The following GALNT1 variants were observed in gnomAD, a reference collection of about 807,000 sequenced individuals.
GALNT1 encodes the protein polypeptide N-acetylgalactosaminyltransferase 1.
Under a neutral mutation model 65.7 loss-of-function variants are expected in GALNT1, and 17 were observed. The ratio of observed to expected loss-of-function variants is 0.26; its 90% CI spans 0.18 to 0.39. GALNT1 has a LOEUF of 0.39. GALNT1 is among the 10% of genes least tolerant of loss of function. The pLI is 1.00. For synonymous variants in GALNT1, 210 were observed against 219.7 expected, an observed-to-expected ratio of 0.96 and a Z score of 0.39; for missense variants, 460 against 672.8, an observed-to-expected ratio of 0.68 and a Z score of 3.50.
At chr18:35,681,835 TG>T (rs2047791408) in intron 4 of GALNT1, among the ~76,000 whole-genome samples, 1 of 152,172 alleles carries the variant, frequency 6.6e-6, no homozygotes, top group Non-Finnish European at 1.5e-5. Context: ...CAGGCAGACC[TG>T]GGTTTGAATC....
intron 1 of GALNT1, among the ~76,000 whole-genome samples, chr18:35,621,601 A>T (rs1014228966): frequency 3.3e-5 from 5 of 152,072 alleles, no homozygotes; most frequent in Admixed American, 3.3e-4. Context: ...ATATCTTATG[A>T]TGTCTTTGGT....
intron 3 of GALNT1, among the ~76,000 whole-genome samples, chr18:35,671,913 A>G (rs979264353): frequency 2.6e-5 from 4 of 152,154 alleles, no homozygotes; most frequent in African/African-American, 7.2e-5. Flanking sequence ...CTGCTTCACT[A>G]TTTCCTCCAA....
rs867040527 is a variant in GALNT1 at position 35,677,599 on chromosome 18, C to A, written c.323C>A (p.Thr108Lys). Residue 108 changes from threonine to lysine, a missense_variant, in exon 4 of 12, where the codon ACA becomes AAA. Transcript: ENST00000269195. ...LPDVRLEGCK[T>K]KVYPDNLPTT... is the part of the protein sequence containing the mutation. ...ATTTGCTTTGTCTCTAGGTGTAAAACAAAGGTGTATCCAGATAATCTTCCT... is the reference window on the plus strand; with the variant it reads ...ATTTGCTTTGTCTCTAGGTGTAAAAAAAAGGTGTATCCAGATAATCTTCCT... 1 of 1,608,606 alleles carries A rather than the reference C, an allele frequency of 6.2e-7. No homozygotes were observed. Among genetic ancestry groups the A allele is most frequent in the Non-Finnish European group, 8.5e-7 (1 of 1,177,208 alleles).
At chr18:35,663,510 G>A in intron 2 of GALNT1, 118 bp from the exon 3 acceptor site, 2 of 1,010,032 alleles carry the variant, frequency 2.0e-6, no homozygotes. Context: ...GAGAGGGTGG[G>A]CTCAGAAAGG....
intron 1 of GALNT1, among the ~76,000 whole-genome samples, chr18:35,635,936 A>T (rs1023971888): frequency 1.3e-5 from 2 of 152,160 alleles, no homozygotes; most frequent in Admixed American, 1.3e-4. Flanking sequence ...TTATAACACA[A>T]TGGGATCCTT....
chr18:35,692,558 C>T (rs922130316), intron 9 of GALNT1, among the ~76,000 whole-genome samples: 1 of 151,748 alleles, frequency 6.6e-6, no homozygotes, highest in Non-Finnish European at 1.5e-5. Context: ...AAGCTGTGTA[C>T]TGTGGGGTCT....
chr18:35,628,677 A>AG (rs1242996099), intron 1 of GALNT1, among the ~76,000 whole-genome samples: 48 of 152,256 alleles, frequency 3.2e-4, no homozygotes, highest in African/African-American at 1.1e-3. Context: ...CCTCCAAGGG[A>AG]ACACAGCTCC....
chr18:35,690,154 C>T (rs1481548867), intron 7 of GALNT1, among the ~76,000 whole-genome samples: 1 of 152,140 alleles, frequency 6.6e-6, no homozygotes, highest in Non-Finnish European at 1.5e-5. Flanking sequence ...TTGAAAGAAA[C>T]AGAAGGATTT....
intron 3 of GALNT1, among the ~76,000 whole-genome samples, chr18:35,675,799 A>G (rs1381634419): frequency 6.6e-6 from 1 of 152,306 alleles, no homozygotes. Context: ...AAGAGATTGT[A>G]TGTGTGGCAT....
intron 1 of GALNT1, among the ~76,000 whole-genome samples, chr18:35,634,492 G>A (rs550214171): frequency 6.6e-6 from 1 of 152,266 alleles, no homozygotes; most frequent in East Asian, 1.9e-4. Context: ...AGGTGCACGG[G>A]GTGAAGTTCA....
At chr18:35,640,039 C>G (rs113174353) in intron 1 of GALNT1, among the ~76,000 whole-genome samples, 2,084 of 152,244 alleles carry the variant, frequency 0.014, 42 homozygotes, top group African/African-American at 0.046. Flanking sequence ...CTCAGGTGAT[C>G]CCCCCACCTT....
At chr18:35,606,844 T>A (rs895233595) in intron 1 of GALNT1, among the ~76,000 whole-genome samples, 1 of 121,218 alleles carries the variant, frequency 8.2e-6, no homozygotes, top group East Asian at 2.1e-4. Flanking sequence ...TGTGTGTGTG[T>A]GTGTGTGTGT....
chr18:35,612,483 T>C (rs2046729691), intron 1 of GALNT1, among the ~76,000 whole-genome samples: 1 of 152,246 alleles, frequency 6.6e-6, no homozygotes, highest in Non-Finnish European at 1.5e-5. Context: ...TTTAATTTTT[T>C]TGAACAAATA....
chr18:35,698,340 G>A (rs1030174874), intron 9 of GALNT1, among the ~76,000 whole-genome samples: 4 of 152,012 alleles, frequency 2.6e-5, no homozygotes, highest in East Asian at 3.9e-4. Context: ...GTGGTGGCCC[G>A]CATCTGTAGT....
At chr18:35,699,658 C>T (rs1240933996) in intron 9 of GALNT1, among the ~76,000 whole-genome samples, 1 of 152,196 alleles carries the variant, frequency 6.6e-6, no homozygotes, top group Non-Finnish European at 1.5e-5. Flanking sequence ...AAGGTTCTCA[C>T]TCTTTTTAGA....
At chr18:35,692,386 T>C (rs1351890723) in intron 9 of GALNT1, 66 bp downstream of exon 9, 5 of 1,025,174 alleles carry the variant, frequency 4.9e-6, no homozygotes, top group African/African-American at 3.4e-5. Flanking sequence ...TAAAAAAAAA[T>C]AGGAGTTAGT....
chr18:35,633,040 A>G (rs546301131), intron 1 of GALNT1, among the ~76,000 whole-genome samples: 15 of 152,310 alleles, frequency 9.8e-5, no homozygotes, highest in African/African-American at 3.1e-4. Context: ...AAAGTCAGGA[A>G]ACAACACGTG....
At chr18:35,606,905 C>A (rs899933462) in intron 1 of GALNT1, among the ~76,000 whole-genome samples, 32 of 149,778 alleles carry the variant, frequency 2.1e-4, no homozygotes, top group Admixed American at 2.1e-3. Context: ...TGTGACCATC[C>A]ACTGTGAGAG....
At chr18:35,705,239 T>G (rs2144758137) in intron 11 of GALNT1, among the ~76,000 whole-genome samples, 1 of 152,302 alleles carries the variant, frequency 6.6e-6, no homozygotes, top group South Asian at 2.1e-4. Flanking sequence ...CTGACACACC[T>G]TACCCATTCT....
Sources: gnomAD v4.1 joint callset for allele counts (sites outside exome capture counted in the v4.1 genomes callset) on GRCh38, gnomAD v4.1.1 for gene constraint, MANE v1.5 for transcripts, NCBI Gene and HGNC (gene_info 2026-07-23, HGNC 2026-07-21) for gene names.